KAZN: variants seen among roughly 807,000 people sequenced by gnomAD.
KAZN encodes the protein kazrin, periplakin interacting protein.
In KAZN, 40 loss-of-function variants were observed where a neutral mutation model predicts 87.4. The ratio of observed to expected loss-of-function variants is 0.46; its 90% CI spans 0.36 to 0.60. The LOEUF is 0.60. Among genes scored for constraint, KAZN ranks in the 20% least tolerant of loss-of-function variants. The pLI, the probability that KAZN is intolerant of heterozygous loss-of-function variation, is 0.00. For synonymous variants in KAZN, 466 were observed against 458.3 expected, an observed-to-expected ratio of 1.02 and a Z score of -0.22; for missense variants, 898 against 1,073.9, an observed-to-expected ratio of 0.84 and a Z score of 2.29.
At chr1:14,373,637 G>A (rs1660680975) in intron 2 of KAZN, among the ~76,000 whole-genome samples, 7 of 152,182 alleles carry the variant, frequency 4.6e-5, no homozygotes, top group Admixed American at 4.6e-4. Flanking sequence ...CAGTCAAGTT[G>A]ACACATAAAA....
intron 1 of KAZN, among the ~76,000 whole-genome samples, chr1:14,663,111 C>G (rs1156707553): frequency 1.3e-5 from 2 of 151,868 alleles, no homozygotes; most frequent in Admixed American, 6.6e-5. Flanking sequence ...GCTGGAACAG[C>G]AGGCGTGCAT....
chr1:14,243,903 T>A (rs1421396698), intron 2 of KAZN, among the ~76,000 whole-genome samples: 3 of 152,094 alleles, frequency 2.0e-5, no homozygotes, highest in Non-Finnish European at 4.4e-5. Flanking sequence ...GCCAGCGTAG[T>A]TTACCCATCA....
At chr1:14,546,995 T>C (rs544654569) in intron 2 of KAZN, among the ~76,000 whole-genome samples, 1 of 152,294 alleles carries the variant, frequency 6.6e-6, no homozygotes, top group South Asian at 2.1e-4. Context: ...AACTCACATA[T>C]ATTTACTGAG....
At chr1:14,546,367 A>G (rs951719011) in intron 2 of KAZN, among the ~76,000 whole-genome samples, 1 of 152,162 alleles carries the variant, frequency 6.6e-6, no homozygotes, top group African/African-American at 2.4e-5. Context: ...TTAAGAAACA[A>G]CCATATAGTA....
intron 1 of KAZN, among the ~76,000 whole-genome samples, chr1:14,745,201 G>T: frequency 6.7e-6 from 1 of 149,974 alleles, no homozygotes; most frequent in South Asian, 2.1e-4. Context: ...AGTATACAGC[G>T]CCAAGACCGA....
At chr1:14,490,562 G>A (rs956002085) in intron 2 of KAZN, among the ~76,000 whole-genome samples, 49 of 152,112 alleles carry the variant, frequency 3.2e-4, no homozygotes, top group South Asian at 4.2e-4. Flanking sequence ...GCGCGATCTC[G>A]GCTCACTGCA....
intron 1 of KAZN, among the ~76,000 whole-genome samples, chr1:14,832,321 G>A (rs892207587): frequency 6.6e-6 from 1 of 152,164 alleles, no homozygotes; most frequent in Non-Finnish European, 1.5e-5. Flanking sequence ...CTGTGGTGGA[G>A]GGGACTTCAT....
intron 4 of KAZN, among the ~76,000 whole-genome samples, chr1:15,051,096 T>TTCC (rs1180596045): frequency 4.6e-5 from 7 of 152,238 alleles, no homozygotes; most frequent in Non-Finnish European, 1.0e-4. Flanking sequence ...AGCACCAGCC[T>TTCC]TCCGATGTCT....
Position 13,956,098 on chromosome 1 carries a change from A to G in KAZN, c.91+62342A>G, listed in dbSNP as rs1641536776. Among the ~76,000 whole-genome samples the G allele has an allele frequency of 4.6e-5, 7 of 152,014 alleles. No homozygotes were observed. In the South Asian group the frequency reaches 1.5e-3, roughly 32 times the overall value. The stretch of plus-strand genomic sequence containing the variant: ...TAATTAATCCCAATTAGAACCGGAA[A>G]CTCAGTTCCCATTTTTTATTAACTG... On this transcript the variant is annotated intron_variant, in intron 1 of 16. Transcript: ENST00000636203.
chr1:14,928,942 C>T (rs1033896673), intron 1 of KAZN, among the ~76,000 whole-genome samples: 8 of 152,190 alleles, frequency 5.3e-5, no homozygotes, highest in East Asian at 1.9e-4. Flanking sequence ...GCTGGTGGCA[C>T]GCCATAGTGG....
intron 2 of KAZN, among the ~76,000 whole-genome samples, chr1:14,586,834 A>C (rs1675881892): frequency 6.6e-6 from 1 of 152,156 alleles, no homozygotes; most frequent in Non-Finnish European, 1.5e-5. Context: ...ATCAAATGCC[A>C]GTTTAATACA....
chr1:14,795,187 G>A (rs141664646), intron 1 of KAZN, among the ~76,000 whole-genome samples: 5 of 152,198 alleles, frequency 3.3e-5, no homozygotes, highest in South Asian at 2.1e-4. Context: ...ACGTAAGTCC[G>A]TTCTCCTAAT....
chr1:14,559,010 T>C (rs1320708899), intron 2 of KAZN, among the ~76,000 whole-genome samples: 1 of 152,192 alleles, frequency 6.6e-6, no homozygotes, highest in Non-Finnish European at 1.5e-5. Context: ...TGGCCCCAAA[T>C]GGTTGCTCTA....
At chr1:14,296,653 T>TTG (rs1218522806) in intron 2 of KAZN, among the ~76,000 whole-genome samples, 2 of 144,710 alleles carry the variant, frequency 1.4e-5, no homozygotes, top group East Asian at 2.0e-4. Flanking sequence ...TTTTTTTTTT[T>TTG]GAGACAAAAT....
At chr1:14,415,675 C>T (rs2101233929) in intron 2 of KAZN, among the ~76,000 whole-genome samples, 1 of 152,262 alleles carries the variant, frequency 6.6e-6, no homozygotes, top group Non-Finnish European at 1.5e-5. Flanking sequence ...GAGGCTTGTG[C>T]TGTGTTGTGC....
intron 1 of KAZN, among the ~76,000 whole-genome samples, chr1:14,736,684 A>C (rs1643919522): frequency 6.6e-6 from 1 of 152,096 alleles, no homozygotes; most frequent in Admixed American, 6.5e-5. Context: ...TTTAAGAAAC[A>C]CTGGCTAAGA....
At chr1:14,520,050 G>T (rs901838510) in intron 2 of KAZN, among the ~76,000 whole-genome samples, 1 of 152,124 alleles carries the variant, frequency 6.6e-6, no homozygotes, top group African/African-American at 2.4e-5. Context: ...TATAATTGGG[G>T]CCAAGGAGCA....
At chr1:14,237,792 A>T (rs149571729) in intron 2 of KAZN, among the ~76,000 whole-genome samples, 173 of 152,260 alleles carry the variant, frequency 1.1e-3, no homozygotes, top group African/African-American at 4.0e-3. Flanking sequence ...CAGGTCACGG[A>T]CTGTATCATG....
chr1:13,947,415 A>G (rs61775582), intron 1 of KAZN, among the ~76,000 whole-genome samples: 21,131 of 151,650 alleles, frequency 0.14, 1,563 homozygotes, highest in Middle Eastern at 0.22. Flanking sequence ...TGATCCAATC[A>G]CCTCCCACCT....
Sources: allele counts gnomAD v4.1 joint callset (sites outside exome capture counted in the v4.1 genomes callset), GRCh38; gene constraint gnomAD v4.1.1; transcripts MANE v1.5; gene names NCBI Gene and HGNC (gene_info 2026-07-23, HGNC 2026-07-21).